ANK2: variants seen among roughly 807,000 people sequenced by gnomAD.
ANK2 encodes the protein ankyrin-2.
In ANK2, 83 loss-of-function variants were observed where a neutral mutation model predicts 360.5. The observed-to-expected ratio is 0.23, with a 90% CI of 0.19 to 0.28. The LOEUF is 0.28. Among genes scored for constraint, ANK2 ranks in the 10% least tolerant of loss-of-function variants. The pLI is 1.00. For synonymous variants in ANK2, 1,740 were observed against 1,759.5 expected (o/e 0.99, Z 0.28); for missense variants, 4,201 against 4,795.7 (o/e 0.88, Z 3.66).
At chr4:113,335,589 C>T (rs1398876642) in intron 29 of ANK2, among the ~76,000 whole-genome samples, 2 of 152,172 alleles carry the variant, frequency 1.3e-5, no homozygotes, top group African/African-American at 2.4e-5. Flanking sequence ...AAATGTTTAT[C>T]TTTCTCAGTG....
At chr4:112,937,444 CA>C (rs904181826) in intron 2 of ANK2, among the ~76,000 whole-genome samples, 22 of 151,606 alleles carry the variant, frequency 1.5e-4, no homozygotes, top group African/African-American at 5.3e-4. Context: ...TCTCATGCTT[CA>C]GCCTCCTGAG....
At chr4:112,852,577 A>G (rs955501024) in intron 1 of ANK2, among the ~76,000 whole-genome samples, 2 of 152,232 alleles carry the variant, frequency 1.3e-5, no homozygotes, top group Non-Finnish European at 2.9e-5. Context: ...ATTATTTAAT[A>G]TGTTTGAAGT....
chr4:113,133,494 T>A (rs2096199802), intron 1 of ANK2, among the ~76,000 whole-genome samples: 1 of 152,194 alleles, frequency 6.6e-6, no homozygotes, highest in African/African-American at 2.4e-5. Context: ...ATACCTTAAG[T>A]GACAGACCCC....
At chr4:113,154,315 A>G (rs571337812) in intron 1 of ANK2, among the ~76,000 whole-genome samples, 1 of 152,318 alleles carries the variant, frequency 6.6e-6, no homozygotes, top group African/African-American at 2.4e-5. Flanking sequence ...GTCAATTTCC[A>G]CTGGAAATCC....
chr4:112,885,796 C>CAAA lies in ANK2; in HGVS notation c.-39-18632_-39-18630dup, dbSNP rs750277917. 6.4e-3 allele frequency among the ~76,000 whole-genome samples: 171 copies of CAAA among 26,902 alleles called. 13 individuals are homozygous for CAAA. The highest frequency in any genetic ancestry group is 0.033 in the East Asian group (30 of 898). 17.6% of individuals were successfully genotyped at this position (26,902 alleles called of 152,430 possible). On this transcript the variant is annotated intron_variant, in intron 1 of 30. Transcript: ENST00000503271. ...TGGGGGACAGAGCAAGACTCTGTCT[C>CAAA]AAAAAAAAAAAAAAAAAAAAAAAAA...
chr4:112,779,087 G>T, the ANK2 span, among the ~76,000 whole-genome samples: 4 of 152,150 alleles, frequency 2.6e-5, no homozygotes. Flanking sequence ...GAGCGATCCT[G>T]CAACCCTTAT....
In ANK2 at chr4:113,381,845, C is replaced by T. The variant is rs1014000667; in HGVS notation, c.*374C>T. ...GTGACCAAAGATGGCATCCTTCATA[C>T]TGGATGCTGTATCCAATACTTTGTT... On this transcript the variant is annotated 3_prime_UTR_variant, in exon 46 of 46. Transcript: ENST00000357077. 1.1e-5 allele frequency: 5 copies of T among 435,014 alleles called. No individual in the cohort carries two copies. The highest frequency in any genetic ancestry group is 2.0e-5 in the South Asian group (1 of 49,636). 26.9% of individuals were successfully genotyped at this position (435,014 alleles called of 1,614,324 possible).
chr4:112,819,083 T>G (rs978148110), intron 1 of ANK2, among the ~76,000 whole-genome samples: 1 of 152,220 alleles, frequency 6.6e-6, no homozygotes, highest in African/African-American at 2.4e-5. Context: ...ACCTCGACGA[T>G]GTCTTAGGTG....
upstream of ANK2, among the ~76,000 whole-genome samples, chr4:113,046,811 C>T (rs188466321): frequency 7.2e-5 from 11 of 152,290 alleles, no homozygotes; most frequent in African/African-American, 2.6e-4. Flanking sequence ...TGAGAATTTA[C>T]AACCATGCAC....
intron 18 of ANK2, among the ~76,000 whole-genome samples, chr4:113,283,424 C>T (rs1416219408): frequency 6.6e-6 from 1 of 151,996 alleles, no homozygotes; most frequent in African/African-American, 2.4e-5. Context: ...GTAGGCCTAG[C>T]TTGAGAGGTT....
chr4:113,223,664 G>A (rs1466541445), intron 4 of ANK2, among the ~76,000 whole-genome samples: 1 of 152,166 alleles, frequency 6.6e-6, no homozygotes, highest in Non-Finnish European at 1.5e-5. Context: ...TGTAAGAGAT[G>A]TGGTTGGCAG....
the ANK2 span, among the ~76,000 whole-genome samples, chr4:112,768,132 A>G: frequency 6.6e-6 from 1 of 152,278 alleles, no homozygotes; most frequent in African/African-American, 2.4e-5. Flanking sequence ...TTCACTTTAT[A>G]TATTGTCCTT....
rs530808045 is a variant in ANK2, at chr4:113,148,152, T to A, written c.85-26264T>A. Reference sequence around the variant, plus strand: ...GATTCTTGACCATGTTTTGATAAAGTGCTATTTAGAACAGCATAAAAAATG... The same window carrying A: ...GATTCTTGACCATGTTTTGATAAAGAGCTATTTAGAACAGCATAAAAAATG... On this transcript the variant is annotated intron_variant, in intron 1 of 45. Coordinates refer to ENST00000357077, the MANE Select transcript of ANK2 (RefSeq NM_001148.6). 2.6e-5 allele frequency among the ~76,000 whole-genome samples: 4 copies of A among 152,312 alleles called. No homozygotes were observed. The South Asian group carries it at 8.3e-4, about 32-fold the overall frequency.
intron 1 of ANK2, among the ~76,000 whole-genome samples, chr4:113,060,955 G>C (rs1244967759): frequency 1.3e-5 from 2 of 152,000 alleles, no homozygotes; most frequent in African/African-American, 4.8e-5. Context: ...AGTTCATGTT[G>C]CTTGTCCTAA....
At chr4:113,025,848 A>G (rs2059172989) in intron 2 of ANK2, among the ~76,000 whole-genome samples, 1 of 152,186 alleles carries the variant, frequency 6.6e-6, no homozygotes, top group Non-Finnish European at 1.5e-5. Flanking sequence ...ATGTGGAGGA[A>G]TGGCTGCTAT....
At chr4:113,342,603 G>C (rs1422652068) in intron 33 of ANK2, among the ~76,000 whole-genome samples, 2 of 152,104 alleles carry the variant, frequency 1.3e-5, no homozygotes, top group Non-Finnish European at 2.9e-5. Context: ...AGGAGGCAGA[G>C]GCAGGAGAAT....
chr4:113,279,662 A>G (rs915752902), intron 17 of ANK2, among the ~76,000 whole-genome samples: 5 of 148,604 alleles, frequency 3.4e-5, no homozygotes, highest in African/African-American at 9.8e-5. Flanking sequence ...GGATATATAC[A>G]TAAAATATGT....
At chr4:112,706,800 T>G in the ANK2 span, 1 of 152,176 alleles carries the variant, frequency 6.6e-6, no homozygotes. Context: ...GTGTTCCTGT[T>G]CTCTCCACGT....
intron 2 of ANK2, among the ~76,000 whole-genome samples, chr4:112,981,486 T>G (rs927062821): frequency 2.0e-5 from 3 of 152,188 alleles, no homozygotes; most frequent in African/African-American, 7.2e-5. Flanking sequence ...AAAGCGACCT[T>G]GCAGAGGTGG....
Sources: gnomAD v4.1 joint callset for allele counts (sites outside exome capture counted in the v4.1 genomes callset) on GRCh38, gnomAD v4.1.1 for gene constraint, MANE v1.5 for transcripts, NCBI Gene and HGNC (gene_info 2026-07-23, HGNC 2026-07-21) for gene names.